PRKCH: variants seen among roughly 807,000 people sequenced by gnomAD.
PRKCH encodes protein kinase C eta.
A neutral mutation model predicts 82.5 loss-of-function variants in PRKCH; 28 were observed. The ratio of observed to expected loss-of-function variants is 0.34; its 90% CI spans 0.25 to 0.47. The LOEUF (loss-of-function observed/expected upper bound fraction) is 0.47. Ranked by LOEUF, PRKCH falls within the 20% of genes least tolerant of loss-of-function variation. The probability of loss-of-function intolerance (pLI) is 1.00; values close to 1 mark genes in which losing one functional copy is unlikely to be tolerated. For synonymous variants in PRKCH, 322 were observed against 327.4 expected, an observed-to-expected ratio of 0.98 and a Z score of 0.18; for missense variants, 705 against 881.8, an observed-to-expected ratio of 0.80 and a Z score of 2.54.
chr14:61,415,836 C>T (rs1882519211), intron 2 of PRKCH, among the ~76,000 whole-genome samples: 1 of 152,150 alleles, frequency 6.6e-6, no homozygotes, highest in Non-Finnish European at 1.5e-5. Flanking sequence ...AATACTAATT[C>T]TCCATTCCCT....
intron 1 of PRKCH, among the ~76,000 whole-genome samples, chr14:61,371,036 C>T (rs1441007556): frequency 6.6e-6 from 1 of 152,068 alleles, no homozygotes; most frequent in Non-Finnish European, 1.5e-5. Flanking sequence ...CTCTTTTCAT[C>T]TATTTAGTGA....
chr14:61,328,098 A>C (rs1157517124), intron 1 of PRKCH, among the ~76,000 whole-genome samples: 1 of 150,658 alleles, frequency 6.6e-6, no homozygotes, highest in Non-Finnish European at 1.5e-5. Context: ...AAAATACAAA[A>C]AATTAGCCGG....
At chr14:61,194,207 T>C (rs913939867) in intron 1 of PRKCH, among the ~76,000 whole-genome samples, 10 of 152,238 alleles carry the variant, frequency 6.6e-5, no homozygotes, top group Non-Finnish European at 1.5e-4. Flanking sequence ...TGTATTAGAG[T>C]CTACTATAAA....
At chr14:61,323,324 C>T (rs904770564) in intron 1 of PRKCH, among the ~76,000 whole-genome samples, 1 of 152,200 alleles carries the variant, frequency 6.6e-6, no homozygotes, top group Admixed American at 6.5e-5. Context: ...CTACACGGTG[C>T]TAACATGCTT....
chr14:61,356,655 T>G (rs1046408103), intron 1 of PRKCH, among the ~76,000 whole-genome samples: 3 of 152,130 alleles, frequency 2.0e-5, no homozygotes, highest in African/African-American at 7.2e-5. Context: ...AAAAAGAGTT[T>G]AGTTTAGTTC....
chr14:61,536,756 T>C (rs2043115049), intron 12 of PRKCH, among the ~76,000 whole-genome samples: 1 of 152,132 alleles, frequency 6.6e-6, no homozygotes, highest in Non-Finnish European at 1.5e-5. Flanking sequence ...CCAGCATTCC[T>C]CTAAAAGTGT....
chr14:61,435,576 T>C (rs1201683699), intron 2 of PRKCH, among the ~76,000 whole-genome samples: 3 of 152,148 alleles, frequency 2.0e-5, no homozygotes, highest in Non-Finnish European at 4.4e-5. Context: ...CACAGTGGTA[T>C]GCACCTGTAG....
At position 61,362,340 on chromosome 14, in the gene PRKCH, T is replaced by TAA. The variant is rs10591516; in HGVS notation, c.364-28867_364-28866dup. Among the ~76,000 whole-genome samples the TAA allele has an allele frequency of 9.3e-3, 1,170 of 125,490 alleles. 18 individuals are homozygous for TAA. The highest frequency in any genetic ancestry group is 0.063 in the South Asian group (242 of 3,846). The allele number at this position is 125,490 out of a possible 152,430, so 82.3% of individuals were successfully genotyped here. A position where few individuals can be genotyped will look rare whatever the true frequency, so the allele number is the denominator to read the frequency against. On this transcript the variant is annotated intron_variant, in intron 1 of 13. Transcript: ENST00000332981. ...TGGGCGACAGAGTGGCATCTTGTCT[T>TAA]AAAAAAAAAAAAAAAAAAAGGAAAC...
At chr14:61,461,604 A>C (rs1244486478) in intron 9 of PRKCH, among the ~76,000 whole-genome samples, 1 of 152,230 alleles carries the variant, frequency 6.6e-6, no homozygotes, top group East Asian at 1.9e-4. Flanking sequence ...GTCTTGCAGC[A>C]GCAATGGTTC....
intron 2 of PRKCH, among the ~76,000 whole-genome samples, chr14:61,438,099 C>T (rs1381965470): frequency 6.6e-6 from 1 of 152,046 alleles, no homozygotes; most frequent in African/African-American, 2.4e-5. Flanking sequence ...CCTTTATGTT[C>T]TATAGATGAG....
At chr14:61,364,461 C>T (rs1049085862) in intron 1 of PRKCH, among the ~76,000 whole-genome samples, 1 of 151,820 alleles carries the variant, frequency 6.6e-6, no homozygotes, top group Non-Finnish European at 1.5e-5. Context: ...TGAGACTGGT[C>T]CAGGGTGGAT....
chr14:61,529,967 A>G (rs896870777), intron 11 of PRKCH, among the ~76,000 whole-genome samples: 4 of 152,344 alleles, frequency 2.6e-5, no homozygotes, highest in Admixed American at 6.5e-5. Flanking sequence ...CCCTAAATGA[A>G]GACAAAGTGT....
At chr14:61,370,245 G>T (rs1201806044) in intron 1 of PRKCH, among the ~76,000 whole-genome samples, 1 of 152,106 alleles carries the variant, frequency 6.6e-6, no homozygotes, top group Non-Finnish European at 1.5e-5. Context: ...ACCCGGCCAT[G>T]TGTGTTCTTT....
intron 2 of PRKCH, among the ~76,000 whole-genome samples, chr14:61,401,461 A>T (rs781545270): frequency 2.6e-5 from 4 of 152,210 alleles, no homozygotes; most frequent in Non-Finnish European, 5.9e-5. Context: ...AGAGTTCCAG[A>T]GACATTTTCA....
chr14:61,321,960 A>G lies in PRKCH; in HGVS notation c.-142A>G. 1 of 846,932 alleles carries G rather than the reference A, an allele frequency of 1.2e-6. No individual in the cohort carries two copies. The highest frequency in any genetic ancestry group is 1.8e-6 in the Non-Finnish European group (1 of 568,516). 52.5% of individuals were successfully genotyped at this position (846,932 alleles called of 1,614,324 possible). A position where few individuals can be genotyped will look rare whatever the true frequency, so the allele number is the denominator to read the frequency against. On this transcript the variant is annotated 5_prime_UTR_variant, in exon 1 of 14. Coordinates refer to ENST00000332981, the MANE Select transcript of PRKCH (RefSeq NM_006255.5). This position sits in a 1 kb window ranked among gnomAD's most constrained non-coding sequence, Gnocchi z 4.1. ...GTCCCACGGAGGAGGCAGAATGGCC[A>G]GTCGAGGGGCGCTTAGGCGCTGCCT...
At chr14:61,384,978 C>T (rs17098288) in intron 1 of PRKCH, among the ~76,000 whole-genome samples, 3,685 of 152,068 alleles carry the variant, frequency 0.024, 179 homozygotes, top group African/African-American at 0.084. Flanking sequence ...TTTGTTGACA[C>T]TGAGTTTTTA....
chr14:61,287,435 G>A (rs548566398), intron 1 of PRKCH, among the ~76,000 whole-genome samples: 87 of 152,006 alleles, frequency 5.7e-4, no homozygotes, highest in Admixed American at 1.5e-3. Context: ...TTAGGGCCAC[G>A]CCCGGTAGCT....
intron 1 of PRKCH, among the ~76,000 whole-genome samples, chr14:61,283,852 AAAAAG>A (rs1398543414): frequency 1.3e-5 from 2 of 152,202 alleles, no homozygotes; most frequent in Non-Finnish European, 2.9e-5. Flanking sequence ...AATAAAATAA[AAAAAG>A]AGAGAATGGG....
intron 10 of PRKCH, among the ~76,000 whole-genome samples, chr14:61,521,682 T>C (rs1464957274): frequency 6.6e-6 from 1 of 152,104 alleles, no homozygotes; most frequent in Non-Finnish European, 1.5e-5. Flanking sequence ...ATCTTCCCGC[T>C]TCGGCCTCCC....
Sources: allele counts gnomAD v4.1 joint callset (sites outside exome capture counted in the v4.1 genomes callset), GRCh38; gene constraint gnomAD v4.1.1; non-coding constraint Gnocchi (gnomAD v3.1); transcripts MANE v1.5; gene names NCBI Gene and HGNC (gene_info 2026-07-23, HGNC 2026-07-21).